HIVEP1: variants seen among roughly 807,000 people sequenced by gnomAD.
HIVEP1 encodes the protein HIVEP zinc finger 1, also known as zinc finger protein 40.
In HIVEP1, 36 loss-of-function variants were observed where a neutral mutation model predicts 180.0. The observed-to-expected ratio is 0.20, with a 90% CI of 0.15 to 0.26. The LOEUF (loss-of-function observed/expected upper bound fraction) is 0.26. Ranked by LOEUF, HIVEP1 falls within the 10% of genes least tolerant of loss-of-function variation. HIVEP1 has a pLI of 1.00. For synonymous variants in HIVEP1, 1,239 were observed against 1,239.0 expected, an observed-to-expected ratio of 1.00 and a Z score of 0.00; for missense variants, 3,143 against 3,268.7, an observed-to-expected ratio of 0.96 and a Z score of 0.94.
the HIVEP1 span, among the ~76,000 whole-genome samples, chr6:12,200,912 C>T: frequency 6.6e-6 from 1 of 152,138 alleles, no homozygotes; most frequent in Non-Finnish European, 1.5e-5. Context: ...TCATTTTTGG[C>T]CTTATGTAAT....
intron 3 of HIVEP1, among the ~76,000 whole-genome samples, chr6:12,094,833 A>G (rs1260494762): frequency 6.6e-6 from 1 of 152,026 alleles, no homozygotes; most frequent in Non-Finnish European, 1.5e-5. Context: ...TCTGATTCCC[A>G]TGGAGCTGTT....
chr6:12,163,145 T>G (rs1287809151), intron 8 of HIVEP1, 138 bp from the exon 9 acceptor site: 2 of 724,706 alleles, frequency 2.8e-6, no homozygotes, highest in African/African-American at 3.5e-5. Flanking sequence ...AATAATTTCA[T>G]TGCAGCAAAC....
downstream of HIVEP1, among the ~76,000 whole-genome samples, chr6:12,169,816 G>A (rs971037861): frequency 2.6e-5 from 4 of 152,068 alleles, no homozygotes; most frequent in African/African-American, 4.8e-5. Flanking sequence ...TCAGACATTC[G>A]ATAATATTTA....
At chr6:12,171,782 A>G in the HIVEP1 span, among the ~76,000 whole-genome samples, 2 of 152,176 alleles carry the variant, frequency 1.3e-5, no homozygotes, top group South Asian at 4.1e-4. Context: ...TAAAGCTCAT[A>G]TTTGCATAAT....
intron 2 of HIVEP1, among the ~76,000 whole-genome samples, chr6:12,045,055 T>G (rs1581568714): frequency 1.3e-5 from 2 of 152,364 alleles, no homozygotes; most frequent in East Asian, 3.9e-4. Context: ...AGATGAGTTG[T>G]TTAGAACACT....
At chr6:12,132,662 C>CT (rs1383577312) in intron 6 of HIVEP1, among the ~76,000 whole-genome samples, 4 of 152,250 alleles carry the variant, frequency 2.6e-5, no homozygotes, top group African/African-American at 9.6e-5. Flanking sequence ...CCTGTTAGCA[C>CT]TTTTCATGTC....
intron 2 of HIVEP1, among the ~76,000 whole-genome samples, chr6:12,047,724 A>C (rs1770234062): frequency 6.6e-6 from 1 of 151,932 alleles, no homozygotes; most frequent in South Asian, 2.1e-4. Context: ...TTCGGTTTTC[A>C]CCCTTACGTT....
At chr6:12,141,512 A>G (rs898065275) in intron 7 of HIVEP1, among the ~76,000 whole-genome samples, 2 of 152,000 alleles carry the variant, frequency 1.3e-5, no homozygotes, top group African/African-American at 4.8e-5. Context: ...AAATTCACAC[A>G]TAACAATATT....
the HIVEP1 span, among the ~76,000 whole-genome samples, chr6:12,195,731 G>A: frequency 6.6e-6 from 1 of 152,184 alleles, no homozygotes; most frequent in African/African-American, 2.4e-5. Context: ...CGATAATCAT[G>A]AGTATGCTAA....
chr6:12,123,896 A>G lies in HIVEP1; in HGVS notation c.4101A>G (p.Ala1367=), dbSNP rs758200436. 1.9e-6 allele frequency: 3 copies of G among 1,614,190 alleles called. No homozygotes were observed. The highest frequency in any genetic ancestry group is 2.2e-5 in the South Asian group (2 of 91,088). Residue 1367 remains alanine, a synonymous_variant, in exon 4 of 9, where the codon GCA becomes GCG. Transcript: ENST00000379388. ...GTCACCGGGAAATGAGGCGTACTGC[A>G]TCAGAACAGATTAATTGCACGCAAA... ...PGCHREMRRT[A]SEQINCTQTS... is the part of the protein sequence containing the mutation.
chr6:12,089,905 A>G (rs116678746), intron 3 of HIVEP1, among the ~76,000 whole-genome samples: 3,306 of 152,182 alleles, frequency 0.022, 128 homozygotes, highest in African/African-American at 0.075. Flanking sequence ...AGATTGGACA[A>G]TGTTGGAAAG....
chr6:12,028,466 G>A (rs1258632696), intron 2 of HIVEP1, among the ~76,000 whole-genome samples: 2 of 152,176 alleles, frequency 1.3e-5, no homozygotes, highest in Non-Finnish European at 2.9e-5. Flanking sequence ...GGGGTTAAAT[G>A]CTTTATTTAT....
chr6:12,051,345 G>C (rs887771793), intron 2 of HIVEP1, among the ~76,000 whole-genome samples: 2 of 151,474 alleles, frequency 1.3e-5, no homozygotes, highest in African/African-American at 4.9e-5. Context: ...TTGATTTTTA[G>C]GAGTTTTTAT....
intron 2 of HIVEP1, among the ~76,000 whole-genome samples, chr6:12,032,601 G>A (rs1282357379): frequency 5.3e-5 from 8 of 152,120 alleles, no homozygotes; most frequent in African/African-American, 1.7e-4. Flanking sequence ...CTCTGAACCT[G>A]TTTTCTCATC....
upstream of HIVEP1, among the ~76,000 whole-genome samples, chr6:12,010,649 T>C (rs1767227188): frequency 6.6e-6 from 1 of 151,798 alleles, no homozygotes; most frequent in South Asian, 2.1e-4. Context: ...CTTATTCCTC[T>C]CAAGTTTGAG....
At chr6:12,009,121 G>T (rs547784428), upstream of HIVEP1, among the ~76,000 whole-genome samples, 385 of 130,088 alleles carry the variant, frequency 3.0e-3, 3 homozygotes, top group Non-Finnish European at 3.1e-3. Context: ...GCGTGGCGGT[G>T]GCGGCGGCGG....
rs759780017 is a variant in HIVEP1 at position 12,121,542 on chromosome 6, C to T, written c.1747C>T (p.Pro583Ser). ...AACTGACAGTCCAAAGGCCATGGAT[C>T]CCAAGCCTGAACTTTCTAGTGCACA... is the stretch of plus-strand genomic sequence containing the variant. ...LRTDSPKAMDPKPELSSAQKQ... is the reference protein window; with the variant it reads ...LRTDSPKAMDSKPELSSAQKQ... The change falls in exon 4 of 9, where the codon CCC becomes TCC. Residue 583 changes from proline (P) to serine (S), a missense_variant. This residue lies in a region of HIVEP1 where 365 missense variants were observed against 344.4 expected (regional missense o/e 1.06). Coordinates refer to ENST00000379388, the MANE Select transcript of HIVEP1 (RefSeq NM_002114.4). The surrounding 1 kb of genome is among the most constrained non-coding windows in gnomAD (Gnocchi z 5.3). 2.2e-5 allele frequency: 36 copies of T among 1,614,118 alleles called. No homozygotes were observed. The South Asian group carries it at 3.6e-4, about 16-fold the overall frequency.
At chr6:12,048,778 C>T (rs1057450299) in intron 2 of HIVEP1, among the ~76,000 whole-genome samples, 5 of 152,068 alleles carry the variant, frequency 3.3e-5, no homozygotes, top group African/African-American at 2.4e-5. Flanking sequence ...CCTTTCTTTC[C>T]AGTTACTGGC....
At chr6:12,096,704 T>C (rs904757567) in intron 3 of HIVEP1, among the ~76,000 whole-genome samples, 2 of 152,022 alleles carry the variant, frequency 1.3e-5, no homozygotes, top group Admixed American at 6.6e-5. Flanking sequence ...TTTATGTTAA[T>C]AAGGCCATGC....
Sources: gnomAD v4.1 joint callset for allele counts (sites outside exome capture counted in the v4.1 genomes callset) on GRCh38, gnomAD v4.1.1 for gene constraint, gnomAD v4.1.1 regional missense constraint, Gnocchi (gnomAD v3.1) non-coding constraint, MANE v1.5 for transcripts, NCBI Gene and HGNC (gene_info 2026-07-23, HGNC 2026-07-21) for gene names.